The following CLTCL1 variants were observed in gnomAD, a reference collection of about 807,000 sequenced individuals.
CLTCL1 encodes clathrin heavy chain like 1, also known as clathrin heavy chain 2.
Under a neutral mutation model 190.0 loss-of-function variants are expected in CLTCL1, and 159 were observed. The observed-to-expected ratio is 0.84, with a 90% CI of 0.74 to 0.95. CLTCL1 has a LOEUF of 0.95. CLTCL1 is among the 40% of genes least tolerant of loss of function. The pLI, the probability that CLTCL1 is intolerant of heterozygous loss-of-function variation, is 0.00. For missense variants in CLTCL1, 1,878 were observed against 2,033.4 expected (o/e 0.92, Z 1.47); for synonymous variants, 752 against 769.6 (o/e 0.98, Z 0.38).
At chr22:19,244,701 G>T (rs781948243) in intron 3 of CLTCL1, among the ~76,000 whole-genome samples, 1 of 152,216 alleles carries the variant, frequency 6.6e-6, no homozygotes, top group Non-Finnish European at 1.5e-5. Context: ...CTTAGGCTAC[G>T]TGTGTGGCCT....
At chr22:19,256,015 G>A (rs1435516160) in intron 2 of CLTCL1, among the ~76,000 whole-genome samples, 1 of 151,486 alleles carries the variant, frequency 6.6e-6, no homozygotes, top group African/African-American at 2.4e-5. Flanking sequence ...ATTCCTGAAA[G>A]AAAGTAAAGG....
intron 16 of CLTCL1, 82 bp from the exon 17 acceptor site, chr22:19,221,693 T>C: frequency 8.0e-7 from 1 of 1,249,374 alleles, no homozygotes; most frequent in Non-Finnish European, 1.1e-6. Flanking sequence ...TGACAGATGT[T>C]TCCTGAAACA....
rs1198477533 is a variant in CLTCL1, at chr22:19,198,144, A to G, written c.3874-1488T>C. 3.9e-5 allele frequency among the ~76,000 whole-genome samples: 6 copies of G among 152,092 alleles called. No homozygotes were observed. The highest frequency in any genetic ancestry group is 3.9e-4 in the Admixed American group (6 of 15,272). On this transcript the variant is annotated intron_variant, in intron 24 of 32. Coordinates refer to ENST00000427926, the MANE Select transcript of CLTCL1 (RefSeq NM_007098.4). The surrounding 1 kb of genome is among the most constrained non-coding windows in gnomAD (Gnocchi z 4.1). ...CACTGGTGATAACTCCGTTATTTCT[A>G]CTTATTCAAGCCAAAACCAAATGGA...
intron 5 of CLTCL1, among the ~76,000 whole-genome samples, chr22:19,236,957 T>C (rs2086099890): frequency 6.6e-6 from 1 of 152,072 alleles, no homozygotes; most frequent in Admixed American, 6.6e-5. Context: ...TCAAAGATTT[T>C]AAATAAAAAA....
chr22:19,198,905 C>G lies in CLTCL1; in HGVS notation c.3873+829G>C, dbSNP rs2084792457. Among the ~76,000 whole-genome samples, 1 of 152,168 alleles carries G rather than the reference C, an allele frequency of 6.6e-6. No homozygotes were observed. The highest frequency in any genetic ancestry group is 2.1e-4 in the South Asian group (1 of 4,826). On this transcript the variant is annotated intron_variant, in intron 24 of 32. Coordinates refer to ENST00000427926, the MANE Select transcript of CLTCL1 (RefSeq NM_007098.4). The surrounding 1 kb of genome is among the most constrained non-coding windows in gnomAD (Gnocchi z 4.1). ...TTTGCTGACTAAATTGTTCTTTTGT[C>G]AGCCCTGTACTGCTTGATCACCCTC...
At chr22:19,240,082 G>C (rs2086204708) in intron 4 of CLTCL1, among the ~76,000 whole-genome samples, 1 of 151,542 alleles carries the variant, frequency 6.6e-6, no homozygotes, top group Admixed American at 6.6e-5. Flanking sequence ...CCAAGTAGCT[G>C]AGATTACAGA....
chr22:19,268,387 A>C (rs970763225), intron 2 of CLTCL1, among the ~76,000 whole-genome samples: 1 of 152,222 alleles, frequency 6.6e-6, no homozygotes, highest in African/African-American at 2.4e-5. Flanking sequence ...GACTAAGACA[A>C]GATGTCATTA....
chr22:19,180,683 C>T, intron 31 of CLTCL1, 48 bp downstream of exon 31: 1 of 1,594,494 alleles, frequency 6.3e-7, no homozygotes, highest in Non-Finnish European at 8.6e-7. Flanking sequence ...ACTTTGACTC[C>T]CTCCCTGCTC....
chr22:19,197,139 C>A (rs2084736716), intron 24 of CLTCL1, among the ~76,000 whole-genome samples: 1 of 152,162 alleles, frequency 6.6e-6, no homozygotes, highest in African/African-American at 2.4e-5. Flanking sequence ...CTGGACAAGA[C>A]CAGACGTCTG....
In CLTCL1 at chr22:19,260,779, C is replaced by T. The variant is rs1386690165; in HGVS notation, c.251-6552G>A. 5.3e-5 allele frequency among the ~76,000 whole-genome samples: 3 copies of T among 56,938 alleles called. No individual in the cohort carries two copies. The East Asian group carries it at 1.5e-3, about 29-fold the overall frequency. The allele number at this position is 56,938 out of a possible 152,430, so 37.4% of individuals were successfully genotyped here. On this transcript the variant is annotated intron_variant, in intron 2 of 32. Transcript: ENST00000427926. ...GGGCAACAAGAGTGAAACTCTGTCTCAAAAAAAAAAAAAAAAAAAAAAAAA... is the reference window on the plus strand; with the variant it reads ...GGGCAACAAGAGTGAAACTCTGTCTTAAAAAAAAAAAAAAAAAAAAAAAAA...
chr22:19,259,105 T>G (rs1163968861), intron 2 of CLTCL1, among the ~76,000 whole-genome samples: 1 of 152,162 alleles, frequency 6.6e-6, no homozygotes, highest in African/African-American at 2.4e-5. Context: ...GCACTTGTTT[T>G]GTTGTTTTGT....
chr22:19,258,760 G>A, intron 2 of CLTCL1: 1 of 692,076 alleles, frequency 1.4e-6, no homozygotes, highest in East Asian at 2.8e-5. Flanking sequence ...ATAGTGGACG[G>A]CAAAGTGGTG....
Position 19,264,066 on chromosome 22 carries a change from G to A in CLTCL1, c.251-9839C>T, listed in dbSNP as rs556619140. ...TCCTAGCGCTTTGGGAAGCTGAGAC[G>A]GGATGATCATGTGAGGCCAAGAGTT... On this transcript the variant is annotated intron_variant, in intron 2 of 32. Transcript: ENST00000427926. Among the ~76,000 whole-genome samples the A allele has an allele frequency of 9.9e-5, 15 of 152,182 alleles. 1 individual carries two copies. In the South Asian group the frequency reaches 2.9e-3, roughly 29 times the overall value.
At chr22:19,258,265 C>A in intron 2 of CLTCL1, 1 of 349,402 alleles carries the variant, frequency 2.9e-6, no homozygotes, top group East Asian at 6.9e-5. Context: ...AAGATCATGG[C>A]AGATATCTGG....
chr22:19,277,725 A>G (rs141645264), intron 1 of CLTCL1, among the ~76,000 whole-genome samples: 292 of 152,316 alleles, frequency 1.9e-3, no homozygotes, highest in African/African-American at 6.7e-3. Flanking sequence ...CACTCAACAC[A>G]AGACTGCCAA....
In CLTCL1 at chr22:19,242,821, G is replaced by A. The variant is rs2086297669; in HGVS notation, c.635C>T (p.Pro212Leu). 1.2e-6 allele frequency: 2 copies of A among 1,613,968 alleles called. No individual in the cohort carries two copies. Among genetic ancestry groups the A allele is most frequent in the African/African-American group, 2.7e-5 (2 of 75,014 alleles). Residue 212 changes from proline (P) to leucine (L), a missense_variant, in exon 4 of 33, where the codon CCT (proline) becomes CTT (leucine). By Grantham distance (98) the Pro-to-Leu change is moderately conservative. Coordinates refer to ENST00000427926, the MANE Select transcript of CLTCL1 (RefSeq NM_007098.4). ...TACAGCAAAGCAGAAAAGGGTGGCAGGCTTGGCATTCCCCTCCATCTTGAA... is the reference window on the plus strand; with the variant it reads ...TACAGCAAAGCAGAAAAGGGTGGCAAGCTTGGCATTCCCCTCCATCTTGAA... ...AEFKMEGNAK[P>L]ATLFCFAVRN...
At chr22:19,288,726 G>A (rs962503561) in intron 1 of CLTCL1, among the ~76,000 whole-genome samples, 10 of 152,324 alleles carry the variant, frequency 6.6e-5, no homozygotes, top group African/African-American at 2.4e-4. Flanking sequence ...GGAACATCAA[G>A]CTTATGGGAA....
In CLTCL1 at chr22:19,216,144, A is replaced by C; in HGVS notation, c.3032T>G (p.Ile1011Arg). 1 of 1,613,902 alleles carries C rather than the reference A, an allele frequency of 6.2e-7. No individual in the cohort carries two copies. The highest frequency in any genetic ancestry group is 8.5e-7 in the Non-Finnish European group (1 of 1,179,820). Residue 1011 changes from isoleucine (I) to arginine (R), a missense_variant, in exon 19 of 33, where the codon ATA becomes AGA. Coordinates refer to ENST00000427926, the MANE Select transcript of CLTCL1 (RefSeq NM_007098.4). ...GCTGAAGACAGAGTTATCCAGAACT[A>C]TCTTCTCCAGCAGTTCAATCAGTTC... ...PNELIELLEK[I>R]VLDNSVFSEH...
intron 2 of CLTCL1, among the ~76,000 whole-genome samples, chr22:19,263,243 C>T (rs1216772195): frequency 6.7e-6 from 1 of 149,326 alleles, no homozygotes; most frequent in Admixed American, 6.8e-5. Flanking sequence ...TACAGGCGTG[C>T]ACCACCACAC....
Sources: gnomAD v4.1 joint callset for allele counts (sites outside exome capture counted in the v4.1 genomes callset) on GRCh38, gnomAD v4.1.1 for gene constraint, Gnocchi (gnomAD v3.1) non-coding constraint, MANE v1.5 for transcripts, NCBI Gene and HGNC (gene_info 2026-07-23, HGNC 2026-07-21) for gene names.